The following ANKRD17 variants were observed in gnomAD, a reference collection of about 807,000 sequenced individuals.
The protein encoded by ANKRD17 is ankyrin repeat domain 17, also known as ankyrin repeat domain-containing protein 17.
In ANKRD17, 19 loss-of-function variants were observed where a neutral mutation model predicts 229.7. The ratio of observed to expected loss-of-function variants is 0.08; its 90% CI spans 0.06 to 0.12. The LOEUF (loss-of-function observed/expected upper bound fraction) is 0.12, where lower values mean the gene tolerates loss of function less well. ANKRD17 is among the 10% of genes least tolerant of loss of function. The probability of loss-of-function intolerance (pLI) is 1.00; values close to 1 mark genes in which losing one functional copy is unlikely to be tolerated. For missense variants in ANKRD17, 2,176 were observed against 3,176.8 expected (o/e 0.68, Z 7.57); for synonymous variants, 1,112 against 1,146.1 (o/e 0.97, Z 0.60).
Position 73,081,357 on chromosome 4 carries a change from TAA to T in ANKRD17, c.7160-2469_7160-2468del, listed in dbSNP as rs200618086. On this transcript the variant is annotated intron_variant, in intron 30 of 33. Coordinates refer to ENST00000358602, the MANE Select transcript of ANKRD17 (RefSeq NM_032217.5). Reference sequence around the variant, plus strand: ...CATGAGTGAGAGACCACAAATCCTCTAAGAGAGAGAGAGAGAGAGAATAGCTA... The same window carrying T: ...CATGAGTGAGAGACCACAAATCCTCTGAGAGAGAGAGAGAGAGAATAGCTA... 8.2e-3 allele frequency among the ~76,000 whole-genome samples: 1,245 copies of T among 151,978 alleles called. 19 individuals carry two copies. The highest frequency in any genetic ancestry group is 0.028 in the African/African-American group (1,159 of 41,456).
intron 1 of ANKRD17, among the ~76,000 whole-genome samples, chr4:73,209,003 C>T (rs1016115853): frequency 2.0e-5 from 3 of 152,002 alleles, no homozygotes; most frequent in African/African-American, 7.2e-5. Context: ...GTCAGGAGTT[C>T]GAAACCAGCA....
chr4:73,085,390 C>T lies in ANKRD17; in HGVS notation c.7018G>A (p.Gly2340Arg), dbSNP rs771455432. The T allele has an allele frequency of 1.2e-6, 2 of 1,614,032 alleles. No homozygotes were observed. The highest frequency in any genetic ancestry group is 4.5e-5 in the East Asian group (2 of 44,872). The change falls in exon 30 of 34, where the codon GGA becomes AGA. Residue 2340 changes from glycine to arginine, a missense_variant. Gly to Arg is a moderately radical substitution (Grantham distance 125). This residue lies in a region of ANKRD17 where 87 missense variants were observed against 116.0 expected (regional missense o/e 0.75). Coordinates refer to ENST00000358602, the MANE Select transcript of ANKRD17 (RefSeq NM_032217.5). ...GSVTPSSTHLGNFASNISGGQ... is the reference protein window; with the variant it reads ...GSVTPSSTHLRNFASNISGGQ... ...CCTGAAATGTTTGAAGCAAAGTTTC[C>T]CAAATGTGTTGAAGAAGGTGTTACA...
At chr4:73,186,455 C>T (rs1228680508) in intron 1 of ANKRD17, among the ~76,000 whole-genome samples, 1 of 151,914 alleles carries the variant, frequency 6.6e-6, no homozygotes, top group Admixed American at 6.6e-5. Flanking sequence ...GATAATTTAC[C>T]TTTCAAAAAG....
rs1745681495 is a variant in ANKRD17 at position 73,258,416 on chromosome 4, T to G, written c.253A>C (p.Ser85Arg). 1.2e-6 allele frequency: 2 copies of G among 1,610,208 alleles called. No individual in the cohort carries two copies. The highest frequency in any genetic ancestry group is 4.5e-5 in the East Asian group (2 of 44,724). Residue 85 changes from serine to arginine, a missense_variant, in exon 1 of 34, where the codon AGC becomes CGC. Physicochemically the swap from Ser to Arg is moderately radical, Grantham distance 110. Coordinates refer to ENST00000358602, the MANE Select transcript of ANKRD17 (RefSeq NM_032217.5). ...KRNRTCRPPSSSESSSDSDNS... is the reference protein window; with the variant it reads ...KRNRTCRPPSRSESSSDSDNS... ...TCGCTGTCGCTGCTGCTTTCGCTGC[T>G]GCTGGGGGGTCGGCAAGTCCGGTTA...
chr4:73,138,222 A>G (rs1404112473), intron 15 of ANKRD17, among the ~76,000 whole-genome samples: 1 of 152,116 alleles, frequency 6.6e-6, no homozygotes, highest in African/African-American at 2.4e-5. Flanking sequence ...ATTAGTAGTG[A>G]CTTTCAAATC....
chr4:73,189,951 A>C (rs1362338717), intron 1 of ANKRD17, among the ~76,000 whole-genome samples: 2 of 152,230 alleles, frequency 1.3e-5, no homozygotes, highest in Non-Finnish European at 2.9e-5. Context: ...TAATGCAATC[A>C]CCACATTGAG....
intron 33 of ANKRD17, 92 bp from the exon 34 acceptor site, chr4:73,076,382 A>G: frequency 1.1e-6 from 1 of 938,720 alleles, no homozygotes; most frequent in Middle Eastern, 3.5e-4. Context: ...GGTACTCTTC[A>G]ATTTGCAATA....
Position 73,223,123 on chromosome 4 carries a change from G to T in ANKRD17, c.393+35153C>A, listed in dbSNP as rs950510927. 2.2e-6 allele frequency: 3 copies of T among 1,372,876 alleles called. No individual in the cohort carries two copies. The East Asian group carries it at 7.5e-5, about 34-fold the overall frequency. The allele number at this position is 1,372,876 out of a possible 1,614,324, so 85.0% of individuals were successfully genotyped here. ...TCAGCAAGGGAACAGGAAATGGAAT[G>T]TTCTATTACATGCCTAAAGCAGCTT... On this transcript the variant is annotated intron_variant, in intron 1 of 33. Transcript: ENST00000358602.
intron 2 of ANKRD17, among the ~76,000 whole-genome samples, chr4:73,168,736 C>T (rs1733570205): frequency 6.6e-6 from 1 of 152,150 alleles, no homozygotes; most frequent in African/African-American, 2.4e-5. Flanking sequence ...TGCACATAAC[C>T]CTGTTTTACG....
At chr4:73,175,071 A>G (rs1030705612) in intron 2 of ANKRD17, among the ~76,000 whole-genome samples, 1 of 152,214 alleles carries the variant, frequency 6.6e-6, no homozygotes. Flanking sequence ...TAGAAAAAGC[A>G]ATCTATATTG....
chr4:73,121,568 A>T, intron 19 of ANKRD17, 49 bp downstream of exon 19: 1 of 1,606,052 alleles, frequency 6.2e-7, no homozygotes, highest in South Asian at 1.1e-5. Flanking sequence ...ACAAATATCT[A>T]TAACAGTCTT....
Position 73,073,792 on chromosome 4 carries a change from G to A in ANKRD17, c.*2439C>T, listed in dbSNP as rs1408827289. 1.3e-5 allele frequency: 2 copies of A among 151,960 alleles called. No homozygotes were observed. The highest frequency in any genetic ancestry group is 4.8e-5 in the African/African-American group (2 of 41,434). The allele number at this position is 151,960 out of a possible 1,614,324, so 9.4% of individuals were successfully genotyped here. ...GGCATGAAATGTGGAATTTTGTTGG[G>A]AATGGATGGTATAAACTGATTATAC... On this transcript the variant is annotated 3_prime_UTR_variant, in exon 34 of 34. Transcript: ENST00000358602.
intron 1 of ANKRD17, among the ~76,000 whole-genome samples, chr4:73,241,465 G>A (rs903188849): frequency 2.6e-5 from 4 of 152,054 alleles, no homozygotes; most frequent in Non-Finnish European, 4.4e-5. Context: ...AATGAACCTC[G>A]AGAATAGTAT....
intron 2 of ANKRD17, among the ~76,000 whole-genome samples, chr4:73,174,691 A>C (rs772059407): frequency 2.6e-5 from 4 of 152,208 alleles, no homozygotes; most frequent in Non-Finnish European, 2.9e-5. Context: ...AGACTTCAGC[A>C]AAAAAACTAT....
chr4:73,116,218 G>A (rs960748880), intron 22 of ANKRD17, among the ~76,000 whole-genome samples: 1 of 151,942 alleles, frequency 6.6e-6, no homozygotes, highest in East Asian at 1.9e-4. Flanking sequence ...CTGAAGGGTG[G>A]TGGGGGGTGG....
chr4:73,191,337 A>ATGTGTGTGTG (rs1349894740), intron 1 of ANKRD17, among the ~76,000 whole-genome samples: 47 of 61,944 alleles, frequency 7.6e-4, no homozygotes, highest in African/African-American at 2.6e-3. Context: ...ACCAAAAAAT[A>ATGTGTGTGTG]TATATGTGTG....
intron 2 of ANKRD17, among the ~76,000 whole-genome samples, chr4:73,166,173 C>T (rs1421137142): frequency 1.3e-5 from 2 of 152,226 alleles, no homozygotes; most frequent in East Asian, 1.9e-4. Context: ...TCCAATTTAG[C>T]TTTTTATGGC....
chr4:73,094,015 CT>C lies in ANKRD17; in HGVS notation c.5327+63del, dbSNP rs1470311615. ...AAAGTTCCACTGAAAACTCATATGGCTGTATTTCATTAAGCTATAGTGCAAT... is the reference window on the plus strand; with the variant it reads ...AAAGTTCCACTGAAAACTCATATGGCGTATTTCATTAAGCTATAGTGCAAT... On this transcript the variant is annotated intron_variant, in intron 28 of 33. Coordinates refer to ENST00000358602, the MANE Select transcript of ANKRD17 (RefSeq NM_032217.5). 1.7e-5 allele frequency: 26 copies of C among 1,489,596 alleles called. No individual in the cohort carries two copies. In the East Asian group the frequency reaches 5.2e-4, roughly 30 times the overall value. 92.3% of individuals were successfully genotyped at this position (1,489,596 alleles called of 1,614,324 possible).
At chr4:73,087,341 TC>T (rs938561741) in intron 29 of ANKRD17, among the ~76,000 whole-genome samples, 2 of 152,130 alleles carry the variant, frequency 1.3e-5, no homozygotes, top group Admixed American at 1.3e-4. Flanking sequence ...TGTCTCAGTC[TC>T]CCAAAGTGTT....
Sources: allele counts gnomAD v4.1 joint callset (sites outside exome capture counted in the v4.1 genomes callset), GRCh38; gene constraint gnomAD v4.1.1; regional missense constraint gnomAD v4.1.1; transcripts MANE v1.5; gene names NCBI Gene and HGNC (gene_info 2026-07-23, HGNC 2026-07-21).